The following FTO variants were observed in gnomAD, a reference collection of about 807,000 sequenced individuals.
The protein encoded by FTO is FTO alpha-ketoglutarate dependent dioxygenase, also known as alpha-ketoglutarate-dependent dioxygenase FTO.
A neutral mutation model predicts 63.9 loss-of-function variants in FTO; 47 were observed. The ratio of observed to expected loss-of-function variants is 0.74; its 90% CI spans 0.58 to 0.94. The LOEUF is 0.94. Among genes scored for constraint, FTO ranks in the 40% least tolerant of loss-of-function variants. The pLI is 0.00. For missense variants in FTO, 562 were observed against 618.1 expected, an observed-to-expected ratio of 0.91 and a Z score of 0.96; for synonymous variants, 207 against 224.4, an observed-to-expected ratio of 0.92 and a Z score of 0.69.
At chr16:53,712,205 A>G (rs2075791014) in intron 1 of FTO, among the ~76,000 whole-genome samples, 1 of 152,106 alleles carries the variant, frequency 6.6e-6, no homozygotes, top group Admixed American at 6.5e-5. Context: ...TGAGGTCCTG[A>G]GAAGGTTCTT....
At chr16:53,706,275 C>A (rs2075618127) in intron 1 of FTO, among the ~76,000 whole-genome samples, 1 of 152,100 alleles carries the variant, frequency 6.6e-6, no homozygotes, top group Non-Finnish European at 1.5e-5. Flanking sequence ...TTTTTCTAAT[C>A]AATTTTATTG....
chr16:53,743,674 G>A (rs1232767868), intron 1 of FTO, among the ~76,000 whole-genome samples: 2 of 150,736 alleles, frequency 1.3e-5, no homozygotes, highest in Admixed American at 6.6e-5. Context: ...GTGTTACTAC[G>A]CAGATAATGA....
At chr16:53,762,281 C>T (rs1020288255) in intron 1 of FTO, among the ~76,000 whole-genome samples, 1 of 152,108 alleles carries the variant, frequency 6.6e-6, no homozygotes, top group African/African-American at 2.4e-5. Context: ...GTATAAATAA[C>T]AATACTGTCA....
At chr16:53,910,957 G>A (rs1398487777) in intron 7 of FTO, among the ~76,000 whole-genome samples, 1 of 152,226 alleles carries the variant, frequency 6.6e-6, no homozygotes, top group East Asian at 1.9e-4. Flanking sequence ...GATGGATGGT[G>A]ATACCATTTA....
At chr16:54,054,912 T>C (rs1409383402) in intron 8 of FTO, among the ~76,000 whole-genome samples, 1 of 152,172 alleles carries the variant, frequency 6.6e-6, no homozygotes, top group African/African-American at 2.4e-5. Flanking sequence ...AAATGGCAGT[T>C]GAATCACCCC....
intron 8 of FTO, among the ~76,000 whole-genome samples, chr16:53,970,361 G>A (rs1599115731): frequency 6.6e-6 from 1 of 152,040 alleles, no homozygotes; most frequent in Non-Finnish European, 1.5e-5. Context: ...AGGCCAAGGC[G>A]GGTGGATCCC....
chr16:54,050,697 A>T (rs1179889221), intron 8 of FTO, among the ~76,000 whole-genome samples: 1 of 152,188 alleles, frequency 6.6e-6, no homozygotes, highest in East Asian at 1.9e-4. Flanking sequence ...CTTCTGCTAC[A>T]GTGGAATTTC....
At chr16:53,733,648 A>G (rs1308655783) in intron 1 of FTO, among the ~76,000 whole-genome samples, 1 of 152,164 alleles carries the variant, frequency 6.6e-6, no homozygotes, top group Non-Finnish European at 1.5e-5. Context: ...CTTTTTTAAG[A>G]GAGTAATTGT....
At chr16:54,057,169 C>CAAAT (rs1182812881) in intron 8 of FTO, among the ~76,000 whole-genome samples, 1 of 152,246 alleles carries the variant, frequency 6.6e-6, no homozygotes, top group Non-Finnish European at 1.5e-5. Flanking sequence ...CCTCCCCAGA[C>CAAAT]ACACATACAA....
intron 2 of FTO, among the ~76,000 whole-genome samples, chr16:53,815,636 G>GTTTTTCTTGTTTTTTTTTT (rs1456280699): frequency 8.1e-5 from 8 of 98,178 alleles, no homozygotes; most frequent in African/African-American, 3.8e-4. Context: ...TGACTTTCTT[G>GTTTTTCTTGTTTTTTTTTT]TTTTTTTTTT....
chr16:53,825,956 G>C lies in FTO; in HGVS notation c.216G>C (p.Leu72=). The C allele has an allele frequency of 6.2e-7, 1 of 1,614,140 alleles. No homozygotes were observed. Among genetic ancestry groups the C allele is most frequent in the South Asian group, 1.1e-5 (1 of 91,080 alleles). Reference sequence around the variant, plus strand: ...AGGTTCAAGAAGCCTTTCTCACACTGCACAAGCATGGCTGCTTATTTCGGG... The same window carrying C: ...AGGTTCAAGAAGCCTTTCTCACACTCCACAAGCATGGCTGCTTATTTCGGG... The part of the protein sequence containing the change: ...HKEVQEAFLT[L]HKHGCLFRDL... Residue 72 remains leucine, a synonymous_variant, in exon 3 of 9, where the codon CTG becomes CTC. Transcript: ENST00000471389.
chr16:53,708,313 C>G (rs1332462492), intron 1 of FTO, among the ~76,000 whole-genome samples: 1 of 151,756 alleles, frequency 6.6e-6, no homozygotes, highest in Non-Finnish European at 1.5e-5. Context: ...TGCAGAGAGC[C>G]CAGATTGTGC....
chr16:53,850,579 C>T (rs1287876240), intron 4 of FTO, among the ~76,000 whole-genome samples: 1 of 151,960 alleles, frequency 6.6e-6, no homozygotes, highest in African/African-American at 2.4e-5. Flanking sequence ...TTGTTACATC[C>T]AGGTTTTTGC....
chr16:53,881,039 A>G (rs1227101604), intron 6 of FTO, among the ~76,000 whole-genome samples: 3 of 151,080 alleles, frequency 2.0e-5, no homozygotes, highest in African/African-American at 7.3e-5. Context: ...GGAGAATGGC[A>G]TGAACCTGCG....
intron 4 of FTO, among the ~76,000 whole-genome samples, chr16:53,851,602 T>C (rs577941614): frequency 2.0e-5 from 3 of 152,330 alleles, no homozygotes; most frequent in Non-Finnish European, 2.9e-5. Context: ...TTGTAAGTGT[T>C]AGCGTAAAGA....
intron 8 of FTO, among the ~76,000 whole-genome samples, chr16:54,104,362 G>T (rs117221056): frequency 0.034 from 5,123 of 149,958 alleles, 136 homozygotes; most frequent in Non-Finnish European, 0.052. Flanking sequence ...ACCTAGGCTG[G>T]AGTGCAGCGG....
At chr16:54,046,263 C>T (rs2085169905) in intron 8 of FTO, among the ~76,000 whole-genome samples, 1 of 81,190 alleles carries the variant, frequency 1.2e-5, no homozygotes, top group South Asian at 5.0e-4. Flanking sequence ...TCAGCAAAGT[C>T]TCAGGATACA....
At chr16:53,908,172 A>G (rs2081584406) in intron 7 of FTO, among the ~76,000 whole-genome samples, 1 of 152,262 alleles carries the variant, frequency 6.6e-6, no homozygotes, top group Admixed American at 6.5e-5. Context: ...TTATTGGAAT[A>G]TGAGCCAATT....
chr16:53,976,267 G>A (rs1318393510), intron 8 of FTO, among the ~76,000 whole-genome samples: 2 of 152,042 alleles, frequency 1.3e-5, no homozygotes, highest in Non-Finnish European at 2.9e-5. Flanking sequence ...TGTTTTCAGT[G>A]TTTACCTATT....
Sources: gnomAD v4.1 joint callset for allele counts (sites outside exome capture counted in the v4.1 genomes callset) on GRCh38, gnomAD v4.1.1 for gene constraint, MANE v1.5 for transcripts, NCBI Gene and HGNC (gene_info 2026-07-23, HGNC 2026-07-21) for gene names.